GALNT17: variants seen among roughly 807,000 people sequenced by gnomAD.
GALNT17 encodes UDP-GalNAc:polypeptide N-acetylgalactosaminyltransferase-like 3.
In GALNT17, 29 loss-of-function variants were observed where a neutral mutation model predicts 63.7. The observed-to-expected ratio is 0.46, with a 90% CI of 0.34 to 0.62. The LOEUF (loss-of-function observed/expected upper bound fraction) is 0.62. Among genes scored for constraint, GALNT17 ranks in the 20% least tolerant of loss-of-function variants. The pLI, the probability that GALNT17 is intolerant of heterozygous loss-of-function variation, is 0.01. For synonymous variants in GALNT17, 305 were observed against 318.3 expected, an observed-to-expected ratio of 0.96 and a Z score of 0.45; for missense variants, 603 against 799.6, an observed-to-expected ratio of 0.75 and a Z score of 2.97.
At chr7:71,500,959 G>A (rs1563139183) in intron 5 of GALNT17, among the ~76,000 whole-genome samples, 1 of 151,988 alleles carries the variant, frequency 6.6e-6, no homozygotes, top group Non-Finnish European at 1.5e-5. Context: ...TTGTTCCACT[G>A]TCTTTTTAGT....
At chr7:71,519,417 G>A (rs866450630) in intron 5 of GALNT17, among the ~76,000 whole-genome samples, 7 of 151,940 alleles carry the variant, frequency 4.6e-5, no homozygotes, top group Admixed American at 6.6e-5. Context: ...AATTCTGTAC[G>A]TCTGTCCCTT....
At chr7:71,688,609 T>G (rs954799300) in intron 9 of GALNT17, among the ~76,000 whole-genome samples, 10 of 152,238 alleles carry the variant, frequency 6.6e-5, no homozygotes, top group African/African-American at 2.4e-4. Flanking sequence ...AAATATTTCC[T>G]GCTGATGTAT....
intron 5 of GALNT17, among the ~76,000 whole-genome samples, chr7:71,519,166 C>T (rs1467990456): frequency 6.6e-6 from 1 of 152,024 alleles, no homozygotes; most frequent in Admixed American, 6.6e-5. Flanking sequence ...CTGGGCTCAG[C>T]AGTGTTCCAA....
intron 6 of GALNT17, among the ~76,000 whole-genome samples, chr7:71,623,637 C>T (rs557033405): frequency 1.6e-4 from 24 of 152,086 alleles, no homozygotes; most frequent in African/African-American, 3.9e-4. Flanking sequence ...GGTTTCATTA[C>T]GTTGGCGAGG....
Position 71,252,768 on chromosome 7 carries a change from C to T in GALNT17, c.239-82782C>T, listed in dbSNP as rs147236826. Among the ~76,000 whole-genome samples the T allele has an allele frequency of 2.0e-5, 3 of 152,254 alleles. No individual in the cohort carries two copies. In the East Asian group the frequency reaches 5.8e-4, roughly 29 times the overall value. On this transcript the variant is annotated intron_variant, in intron 1 of 10. Coordinates refer to ENST00000333538, the MANE Select transcript of GALNT17 (RefSeq NM_022479.3). The stretch of plus-strand genomic sequence containing the variant: ...TCAAGCTGGGAACAGTCATGCAAAC[C>T]GGCTTCCCATTTTGTTCCTAAATTC...
intron 5 of GALNT17, among the ~76,000 whole-genome samples, chr7:71,493,045 A>G (rs903727501): frequency 1.2e-4 from 18 of 152,252 alleles, no homozygotes; most frequent in Admixed American, 6.5e-5. Flanking sequence ...AGTTTTCAGA[A>G]TAAATAGTTT....
chr7:71,138,401 C>G (rs1009348912), intron 1 of GALNT17, among the ~76,000 whole-genome samples: 2 of 151,878 alleles, frequency 1.3e-5, no homozygotes, highest in African/African-American at 4.8e-5. Context: ...AGGTCTTCAT[C>G]CTGGTCATCT....
intron 10 of GALNT17, among the ~76,000 whole-genome samples, chr7:71,711,718 CCT>C (rs1791795728): frequency 6.8e-6 from 1 of 148,074 alleles, no homozygotes; most frequent in Non-Finnish European, 1.5e-5. Context: ...CTCTCTCTTC[CCT>C]CTTTTTCTAC....
At chr7:71,704,087 G>A (rs923727220) in intron 9 of GALNT17, among the ~76,000 whole-genome samples, 3 of 152,134 alleles carry the variant, frequency 2.0e-5, no homozygotes, top group Admixed American at 1.3e-4. Context: ...AGTGGGTGTG[G>A]TCAGTTGGCA....
intron 8 of GALNT17, among the ~76,000 whole-genome samples, chr7:71,671,122 A>G (rs1791063895): frequency 6.6e-6 from 1 of 151,984 alleles, no homozygotes; most frequent in South Asian, 2.1e-4. Flanking sequence ...GAACATAGAC[A>G]CTGGTGTCTT....
At chr7:71,662,441 T>C (rs1790923170) in intron 6 of GALNT17, among the ~76,000 whole-genome samples, 1 of 152,182 alleles carries the variant, frequency 6.6e-6, no homozygotes. Context: ...TGCCACTCAA[T>C]GGTTTTTTCA....
chr7:71,425,925 TAC>T (rs370947682), intron 5 of GALNT17, among the ~76,000 whole-genome samples: 22 of 152,190 alleles, frequency 1.4e-4, no homozygotes, highest in African/African-American at 4.8e-4. Flanking sequence ...TCAGGAATCT[TAC>T]AGTCATGGCA....
chr7:71,675,813 G>A (rs1160038223), intron 8 of GALNT17, among the ~76,000 whole-genome samples: 1 of 151,990 alleles, frequency 6.6e-6, no homozygotes, highest in African/African-American at 2.4e-5. Context: ...GTGGTGAAAC[G>A]CCATCTCTGC....
chr7:71,576,828 A>G (rs1027953546), intron 6 of GALNT17, among the ~76,000 whole-genome samples: 1 of 152,168 alleles, frequency 6.6e-6, no homozygotes, highest in Non-Finnish European at 1.5e-5. Flanking sequence ...TCGGTCTCCC[A>G]AAGTACTAGG....
chr7:71,148,931 GTTGTT>G (rs2116207236), intron 1 of GALNT17, among the ~76,000 whole-genome samples: 1 of 138,088 alleles, frequency 7.2e-6, no homozygotes, highest in Admixed American at 7.6e-5. Flanking sequence ...ATTTGATTTT[GTTGTT>G]TTGTTGTTGT....
chr7:71,367,471 G>A (rs1370234363), intron 2 of GALNT17, among the ~76,000 whole-genome samples: 1 of 152,184 alleles, frequency 6.6e-6, no homozygotes, highest in Non-Finnish European at 1.5e-5. Flanking sequence ...ATTTGGTATA[G>A]ACCGAGCTTC....
intron 1 of GALNT17, among the ~76,000 whole-genome samples, chr7:71,160,262 CT>C (rs1248097172): frequency 1.6e-4 from 24 of 152,064 alleles, no homozygotes; most frequent in African/African-American, 5.6e-4. Flanking sequence ...CACTTGTGTC[CT>C]ATATGTTCCC....
chr7:71,595,705 C>T (rs111852323), intron 6 of GALNT17, among the ~76,000 whole-genome samples: 5 of 140,264 alleles, frequency 3.6e-5, no homozygotes, highest in African/African-American at 1.1e-4. Context: ...ACACACACAC[C>T]ATATTGCCTG....
At chr7:71,486,340 T>A (rs1483035983) in intron 5 of GALNT17, among the ~76,000 whole-genome samples, 1 of 9,064 alleles carries the variant, frequency 1.1e-4, no homozygotes, top group East Asian at 2.8e-3. Context: ...CTGAAAATAA[T>A]AATAATAATA....
Sources: gnomAD v4.1 joint callset for allele counts (sites outside exome capture counted in the v4.1 genomes callset) on GRCh38, gnomAD v4.1.1 for gene constraint, MANE v1.5 for transcripts, NCBI Gene and HGNC (gene_info 2026-07-23, HGNC 2026-07-21) for gene names.